Variants in CACNA2D3 observed in about 807,000 individuals in gnomAD.
CACNA2D3 encodes the protein calcium voltage-gated channel auxiliary subunit alpha2delta 3, also known as voltage-dependent calcium channel subunit alpha-2/delta-3.
Under a neutral mutation model 160.6 loss-of-function variants are expected in CACNA2D3, and 60 were observed. The ratio of observed to expected loss-of-function variants is 0.37; its 90% CI spans 0.30 to 0.46. The LOEUF (loss-of-function observed/expected upper bound fraction) is 0.46. Ranked by LOEUF, CACNA2D3 falls within the 20% of genes least tolerant of loss-of-function variation. CACNA2D3 has a pLI of 1.00. For synonymous variants in CACNA2D3, 558 were observed against 492.9 expected (o/e 1.13, Z -1.75); for missense variants, 1,205 against 1,365.0 (o/e 0.88, Z 1.85).
At chr3:54,295,454 TG>T (rs773983660) in intron 2 of CACNA2D3, among the ~76,000 whole-genome samples, 5 of 152,174 alleles carry the variant, frequency 3.3e-5, no homozygotes, top group African/African-American at 4.8e-5. Context: ...GGGCACAGCT[TG>T]GTTTTATACA....
chr3:54,262,367 GA>G (rs1702417277), intron 2 of CACNA2D3, among the ~76,000 whole-genome samples: 1 of 152,110 alleles, frequency 6.6e-6, no homozygotes, highest in African/African-American at 2.4e-5. Flanking sequence ...GGGGAAAGTG[GA>G]AAGATGAAAG....
At chr3:54,525,370 G>A (rs747631909) in intron 5 of CACNA2D3, among the ~76,000 whole-genome samples, 12 of 152,048 alleles carry the variant, frequency 7.9e-5, no homozygotes, top group Non-Finnish European at 1.6e-4. Flanking sequence ...GAAGACATGG[G>A]CATTCATTTT....
chr3:54,302,941 C>T (rs868587485), intron 2 of CACNA2D3, among the ~76,000 whole-genome samples: 1 of 151,898 alleles, frequency 6.6e-6, no homozygotes. Flanking sequence ...CAGGATCCTC[C>T]GAGTGTAAGG....
Position 54,149,090 on chromosome 3 carries a change from C to G in CACNA2D3, c.204+25496C>G, listed in dbSNP as rs190319041. ...GTCCAGTGGTGAAGGTTTTATGCCA[C>G]GACAGTGAGAACTGCAGAATGTGCA... On this transcript the variant is annotated intron_variant, in intron 2 of 37. Transcript: ENST00000474759. Among the ~76,000 whole-genome samples, 214 of 151,984 alleles carry G rather than the reference C, an allele frequency of 1.4e-3. 1 individual carries two copies. Among genetic ancestry groups the G allele is most frequent in the African/African-American group, 4.9e-3 (202 of 41,432 alleles).
intron 2 of CACNA2D3, among the ~76,000 whole-genome samples, chr3:54,163,067 A>C (rs1378756775): frequency 6.6e-6 from 1 of 152,188 alleles, no homozygotes; most frequent in East Asian, 1.9e-4. Flanking sequence ...TGGTCAGAAG[A>C]CCAGTGTGGC....
intron 3 of CACNA2D3, among the ~76,000 whole-genome samples, chr3:54,363,629 G>A (rs1391423965): frequency 6.6e-6 from 1 of 152,164 alleles, no homozygotes; most frequent in Non-Finnish European, 1.5e-5. Context: ...GAGCATGCCT[G>A]TGTCATTGTT....
At position 54,231,641 on chromosome 3, in the gene CACNA2D3, TG is replaced by T. The variant is rs555359821; in HGVS notation, c.205-88800del. On this transcript the variant is annotated intron_variant, in intron 2 of 37. Transcript: ENST00000474759. ...CCACCTTGCATCTGAAAGGGATTTT[TG>T]TCCAGTTTGTTCACCCATATATTTC... Among the ~76,000 whole-genome samples, 10 of 152,368 alleles carry T rather than the reference TG, an allele frequency of 6.6e-5. No individual in the cohort carries two copies. In the South Asian group the frequency reaches 2.1e-3, roughly 32 times the overall value.
At chr3:54,340,889 C>T (rs953336074) in intron 3 of CACNA2D3, among the ~76,000 whole-genome samples, 1 of 152,196 alleles carries the variant, frequency 6.6e-6, no homozygotes, top group Non-Finnish European at 1.5e-5. Context: ...CCCCACACTC[C>T]TCACCACAGA....
At position 54,798,462 on chromosome 3, in the gene CACNA2D3, A is replaced by G. The variant is rs55646488; in HGVS notation, c.1381-18391A>G. On this transcript the variant is annotated intron_variant, in intron 13 of 37. Coordinates refer to ENST00000474759, the MANE Select transcript of CACNA2D3 (RefSeq NM_018398.3). ...GAGGCAGGAGAATTGCTTGAACCCG[A>G]GAGGCAGAGGTTACAGTGAGCCAAG... Among the ~76,000 whole-genome samples the G allele has an allele frequency of 2.1e-3, 314 of 152,174 alleles. 2 individuals are homozygous for G. The highest frequency in any genetic ancestry group is 3.7e-3 in the South Asian group (18 of 4,814).
At chr3:55,056,964 A>G (rs1423083807) in intron 35 of CACNA2D3, among the ~76,000 whole-genome samples, 1 of 152,342 alleles carries the variant, frequency 6.6e-6, no homozygotes, top group East Asian at 1.9e-4. Context: ...TGCTCTCACC[A>G]TGAAACATGG....
At chr3:54,823,079 T>G (rs1186494687) in intron 14 of CACNA2D3, among the ~76,000 whole-genome samples, 1 of 151,838 alleles carries the variant, frequency 6.6e-6, no homozygotes, top group Non-Finnish European at 1.5e-5. Context: ...GGTCTTGAAC[T>G]CCTAACCTCA....
intron 3 of CACNA2D3, among the ~76,000 whole-genome samples, chr3:54,328,353 C>A (rs1263258146): frequency 1.3e-5 from 2 of 152,340 alleles, no homozygotes; most frequent in Admixed American, 1.3e-4. Flanking sequence ...CCGATCTTGG[C>A]TCACTGCCAC....
intron 5 of CACNA2D3, among the ~76,000 whole-genome samples, chr3:54,529,811 T>C (rs1391440954): frequency 6.6e-6 from 1 of 152,234 alleles, no homozygotes; most frequent in Non-Finnish European, 1.5e-5. Context: ...TGTTAAGTGA[T>C]ATAATTTTTT....
chr3:54,233,040 A>G (rs1701805374), intron 2 of CACNA2D3, among the ~76,000 whole-genome samples: 1 of 152,184 alleles, frequency 6.6e-6, no homozygotes, highest in Non-Finnish European at 1.5e-5. Flanking sequence ...AGAAAGACAA[A>G]TATGGCGGGC....
intron 27 of CACNA2D3, among the ~76,000 whole-genome samples, chr3:54,941,129 CA>C (rs1314884356): frequency 6.6e-6 from 1 of 152,106 alleles, no homozygotes; most frequent in Non-Finnish European, 1.5e-5. Flanking sequence ...CCTGGTAATG[CA>C]ATTAGGAAAT....
At chr3:54,646,194 GCTTCCTTCCTTCCTTCCTTC>G (rs1169806180) in intron 11 of CACNA2D3, among the ~76,000 whole-genome samples, 295 of 13,356 alleles carry the variant, frequency 0.022, 13 homozygotes, top group African/African-American at 0.044. Context: ...CTCCTTCCTT[GCTTCCTTCCTTCCTTCCTTC>G]CTTCCTTCCT....
chr3:54,282,423 G>A (rs1167070000), intron 2 of CACNA2D3, among the ~76,000 whole-genome samples: 1 of 152,234 alleles, frequency 6.6e-6, no homozygotes, highest in Admixed American at 6.5e-5. Flanking sequence ...CATCAGGTGT[G>A]AGGAAAGATG....
intron 27 of CACNA2D3, among the ~76,000 whole-genome samples, chr3:54,917,493 C>CA (rs1700691207): frequency 6.6e-6 from 1 of 152,250 alleles, no homozygotes; most frequent in Non-Finnish European, 1.5e-5. Flanking sequence ...TCCACCCTGA[C>CA]ACGGCTGCAT....
intron 11 of CACNA2D3, among the ~76,000 whole-genome samples, chr3:54,719,754 G>T (rs1701134990): frequency 1.3e-5 from 2 of 152,104 alleles, no homozygotes; most frequent in Non-Finnish European, 2.9e-5. Context: ...GAATTCAATG[G>T]TGAAGCCACA....
Sources: gnomAD v4.1 joint callset for allele counts (sites outside exome capture counted in the v4.1 genomes callset) on GRCh38, gnomAD v4.1.1 for gene constraint, MANE v1.5 for transcripts, NCBI Gene and HGNC (gene_info 2026-07-23, HGNC 2026-07-21) for gene names.